Variants in GSDME observed in about 807,000 individuals in gnomAD.
GSDME encodes gasdermin-E.
In GSDME, 44 loss-of-function variants were observed where a neutral mutation model predicts 47.5. The ratio of observed to expected loss-of-function variants is 0.93; its 90% CI spans 0.73 to 1.19. GSDME has a LOEUF of 1.19. Ranked by LOEUF, GSDME falls within the 50% of genes most tolerant of loss-of-function variation. The pLI, the probability that GSDME is intolerant of heterozygous loss-of-function variation, is 0.00. For missense variants in GSDME, 663 were observed against 604.2 expected (o/e 1.10, Z -1.02); for synonymous variants, 258 against 252.8 (o/e 1.02, Z -0.20).
At chr7:24,763,434 A>T in the GSDME span, among the ~76,000 whole-genome samples, 1 of 151,808 alleles carries the variant, frequency 6.6e-6, no homozygotes, top group African/African-American at 2.4e-5. This position sits in a 1 kb window ranked among gnomAD's most constrained non-coding sequence, Gnocchi z 4.3. Flanking sequence ...CTGCAATGTC[A>T]TGACAGCCAA....
At chr7:24,763,448 GA>G in the GSDME span, among the ~76,000 whole-genome samples, 1 of 151,816 alleles carries the variant, frequency 6.6e-6, no homozygotes, top group African/African-American at 2.4e-5. The surrounding 1 kb of genome is among the most constrained non-coding windows in gnomAD (Gnocchi z 4.3). Flanking sequence ...CAGCCAATCT[GA>G]TAACCTAGAT....
chr7:24,701,386 A>G (rs1187300372), intron 9 of GSDME, among the ~76,000 whole-genome samples: 1 of 152,254 alleles, frequency 6.6e-6, no homozygotes, highest in East Asian at 1.9e-4. Context: ...GAACACCAAC[A>G]GAGCAGAACT....
rs913399954 is a variant in GSDME, at chr7:24,724,428, G to A, written c.405-5210C>T. On this transcript the variant is annotated intron_variant, in intron 3 of 9. Transcript: ENST00000645220. The surrounding 1 kb of genome is among the most constrained non-coding windows in gnomAD (Gnocchi z 4.8). ...TTCCAGGAGAAAATGAACAAGCAGA[G>A]GTTCTTCATCCGCTTCACACATCTA... Among the ~76,000 whole-genome samples the A allele has an allele frequency of 3.9e-5, 6 of 152,190 alleles. No individual in the cohort carries two copies. The highest frequency in any genetic ancestry group is 1.4e-4 in the African/African-American group (6 of 41,446).
intron 9 of GSDME, among the ~76,000 whole-genome samples, chr7:24,699,991 A>G (rs1339232082): frequency 6.6e-6 from 1 of 151,980 alleles, no homozygotes; most frequent in Non-Finnish European, 1.5e-5. Context: ...CTTCTTCCAA[A>G]TTTCCCTGTT....
chr7:24,769,336 A>G, the GSDME span, among the ~76,000 whole-genome samples: 7 of 152,212 alleles, frequency 4.6e-5, 1 homozygote, highest in Admixed American at 4.6e-4. Flanking sequence ...TTTTACCTCT[A>G]GGAGCTCTAA....
chr7:24,746,281 C>A (rs998982362), intron 2 of GSDME, among the ~76,000 whole-genome samples: 1 of 152,104 alleles, frequency 6.6e-6, no homozygotes, highest in Non-Finnish European at 1.5e-5. Flanking sequence ...TTGGGCAATG[C>A]CTTGGGAAGA....
chr7:24,730,556 C>A (rs1337131367), intron 3 of GSDME, among the ~76,000 whole-genome samples: 1 of 152,204 alleles, frequency 6.6e-6, no homozygotes, highest in Non-Finnish European at 1.5e-5. Flanking sequence ...GTGGCTCACA[C>A]CTGTAATCCC....
Position 24,714,608 on chromosome 7 carries a change from A to T in GSDME, c.697+2646T>A, listed in dbSNP as rs1789476797. Reference sequence around the variant, plus strand: ...CCAGGGTACCTCTTCTCAGCAGCACAAAGAGGAGTTTATTTTCAAAGACAG... The same window carrying T: ...CCAGGGTACCTCTTCTCAGCAGCACTAAGAGGAGTTTATTTTCAAAGACAG... On this transcript the variant is annotated intron_variant, in intron 5 of 9. Transcript: ENST00000645220. This position sits in a 1 kb window ranked among gnomAD's most constrained non-coding sequence, Gnocchi z 5.0. Among the ~76,000 whole-genome samples, 1 of 152,200 alleles carries T rather than the reference A, an allele frequency of 6.6e-6. No homozygotes were observed. Among genetic ancestry groups the T allele is most frequent in the Admixed American group, 6.5e-5 (1 of 15,282 alleles).
rs191385158 is a variant in GSDME at position 24,733,474 on chromosome 7, C to T, written c.404+11088G>A. Among the ~76,000 whole-genome samples, 139 of 152,292 alleles carry T rather than the reference C, an allele frequency of 9.1e-4. No individual in the cohort carries two copies. The highest frequency in any genetic ancestry group is 3.4e-3 in the Middle Eastern group (1 of 294). On this transcript the variant is annotated intron_variant, in intron 3 of 9. Coordinates refer to ENST00000645220, the MANE Select transcript of GSDME (RefSeq NM_001127453.2). This position sits in a 1 kb window ranked among gnomAD's most constrained non-coding sequence, Gnocchi z 4.3. Reference sequence around the variant, plus strand: ...AGTGGGGTAGAGCACCAAGCAAGCCCTTCAAGTCTCTGATTCCAGGTTGTG... The same window carrying T: ...AGTGGGGTAGAGCACCAAGCAAGCCTTTCAAGTCTCTGATTCCAGGTTGTG...
rs1435802472 is a variant in GSDME, at chr7:24,754,839, C to T, written c.-20+2557G>A. On this transcript the variant is annotated intron_variant, in intron 1 of 9. Coordinates refer to ENST00000645220, the MANE Select transcript of GSDME (RefSeq NM_001127453.2). The surrounding 1 kb of genome is among the most constrained non-coding windows in gnomAD (Gnocchi z 5.0). ...GAGAAACCTCATTCTTTCTCACACTCCATTCAGGATTCTTCTTAAAAGCAG... is the reference window on the plus strand; with the variant it reads ...GAGAAACCTCATTCTTTCTCACACTTCATTCAGGATTCTTCTTAAAAGCAG... Among the ~76,000 whole-genome samples, 2 of 152,210 alleles carry T rather than the reference C, an allele frequency of 1.3e-5. No individual in the cohort carries two copies. The highest frequency in any genetic ancestry group is 4.8e-5 in the African/African-American group (2 of 41,448).
Position 24,736,021 on chromosome 7 carries a change from A to C in GSDME, c.404+8541T>G, listed in dbSNP as rs141844082. 0.013 allele frequency among the ~76,000 whole-genome samples: 2,028 copies of C among 152,184 alleles called. 56 individuals are homozygous for C. Among genetic ancestry groups the C allele is most frequent in the African/African-American group, 0.046 (1,919 of 41,520 alleles). On this transcript the variant is annotated intron_variant, in intron 3 of 9. Transcript: ENST00000645220. This position sits in a 1 kb window ranked among gnomAD's most constrained non-coding sequence, Gnocchi z 4.6. ...GCCTCATGGTAACCTCAAATAAAAA[A>C]CTTACAACAGATACACAAAAAATAG...
At chr7:24,770,039 A>G in the GSDME span, among the ~76,000 whole-genome samples, 287 of 152,350 alleles carry the variant, frequency 1.9e-3, no homozygotes, top group African/African-American at 6.4e-3. The surrounding 1 kb of genome is among the most constrained non-coding windows in gnomAD (Gnocchi z 4.6). Flanking sequence ...CTGAGGGTCC[A>G]TAGATGACTT....
At chr7:24,759,646 G>A (rs2521771), upstream of GSDME, among the ~76,000 whole-genome samples, 9,942 of 152,198 alleles carry the variant, frequency 0.065, 694 homozygotes, top group African/African-American at 0.18. Flanking sequence ...TTTAACCCAG[G>A]TTGTTCAGCA....
chr7:24,756,925 T>A lies in GSDME; in HGVS notation c.-20+471A>T, dbSNP rs934887624. On this transcript the variant is annotated intron_variant, in intron 1 of 9. Coordinates refer to ENST00000645220, the MANE Select transcript of GSDME (RefSeq NM_001127453.2). The surrounding 1 kb of genome is among the most constrained non-coding windows in gnomAD (Gnocchi z 4.2). ...TTCCGTCCAGAGAGACTGAACTCCGTATCTGTTCCGCGGTCCGCCTCCCTG... is the reference window on the plus strand; with the variant it reads ...TTCCGTCCAGAGAGACTGAACTCCGAATCTGTTCCGCGGTCCGCCTCCCTG... Among the ~76,000 whole-genome samples, 2 of 152,058 alleles carry A rather than the reference T, an allele frequency of 1.3e-5. No individual in the cohort carries two copies. The highest frequency in any genetic ancestry group is 4.8e-5 in the African/African-American group (2 of 41,410).
At chr7:24,788,013 T>A in the GSDME span, among the ~76,000 whole-genome samples, 1 of 152,162 alleles carries the variant, frequency 6.6e-6, no homozygotes, top group Non-Finnish European at 1.5e-5. This position sits in a 1 kb window ranked among gnomAD's most constrained non-coding sequence, Gnocchi z 4.6. Context: ...CAAAGAGTTT[T>A]TTAAAAGCAC....
rs1789958187 is a variant in GSDME at position 24,726,092 on chromosome 7, C to G, written c.405-6874G>C. On this transcript the variant is annotated intron_variant, in intron 3 of 9. Transcript: ENST00000645220. This position sits in a 1 kb window ranked among gnomAD's most constrained non-coding sequence, Gnocchi z 5.6. ...AGAGCCCAGCGTGGTTGCTGGGGAC[C>G]AGAGCAGCCCAGCAGGAAGGGAGGC... Among the ~76,000 whole-genome samples the G allele has an allele frequency of 6.6e-6, 1 of 152,140 alleles. No individual in the cohort carries two copies. The highest frequency in any genetic ancestry group is 2.4e-5 in the African/African-American group (1 of 41,418).
rs1376808324 is a variant in GSDME, at chr7:24,714,836, C to A, written c.697+2418G>T. Among the ~76,000 whole-genome samples, 3 of 152,182 alleles carry A rather than the reference C, an allele frequency of 2.0e-5. No individual in the cohort carries two copies. Among genetic ancestry groups the A allele is most frequent in the Non-Finnish European group, 4.4e-5 (3 of 68,030 alleles). On this transcript the variant is annotated intron_variant, in intron 5 of 9. Transcript: ENST00000645220. The surrounding 1 kb of genome is among the most constrained non-coding windows in gnomAD (Gnocchi z 5.0). ...CACCACCTAGAGTGGCAGCCCAGGC[C>A]TGGGTCCCCGCCACCGAAGGGTCCG... is the stretch of plus-strand genomic sequence containing the variant.
chr7:24,743,838 C>G (rs1790564401), intron 3 of GSDME, among the ~76,000 whole-genome samples: 1 of 152,222 alleles, frequency 6.6e-6, no homozygotes, highest in African/African-American at 2.4e-5. Context: ...CCTAGCACAT[C>G]CTAGCCCCTC....
chr7:24,747,577 G>A (rs1395304839), intron 2 of GSDME, among the ~76,000 whole-genome samples: 2 of 152,186 alleles, frequency 1.3e-5, no homozygotes, highest in Non-Finnish European at 2.9e-5. Flanking sequence ...CTCTGCTCCA[G>A]TAATTCTCTA....
Sources: gnomAD v4.1 joint callset for allele counts (sites outside exome capture counted in the v4.1 genomes callset) on GRCh38, gnomAD v4.1.1 for gene constraint, Gnocchi (gnomAD v3.1) non-coding constraint, MANE v1.5 for transcripts, NCBI Gene and HGNC (gene_info 2026-07-23, HGNC 2026-07-21) for gene names.